The following SCARA5 variants were observed in gnomAD, a reference collection of about 807,000 sequenced individuals.
SCARA5 encodes scavenger receptor class A, member 5 (putative).
In SCARA5, 45 loss-of-function variants were observed where a neutral mutation model predicts 46.3. That is an observed-to-expected ratio of 0.97 (90% CI 0.76 to 1.24). The LOEUF is 1.24. Among genes scored for constraint, SCARA5 ranks in the 50% most tolerant of loss-of-function variants. SCARA5 has a pLI of 0.00. For synonymous variants in SCARA5, 333 were observed against 306.5 expected (o/e 1.09, Z -0.90); for missense variants, 680 against 689.0 (o/e 0.99, Z 0.15).
At position 27,905,523 on chromosome 8, in the gene SCARA5, T is replaced by TGGCG. The variant is rs751627046; in HGVS notation, c.1097-690_1097-689insCGCC. 3.7e-4 allele frequency among the ~76,000 whole-genome samples: 20 copies of TGGCG among 53,696 alleles called. 4 individuals are homozygous for TGGCG. Among genetic ancestry groups the TGGCG allele is most frequent in the Non-Finnish European group, 7.7e-4 (15 of 19,484 alleles). The allele number at this position is 53,696 out of a possible 152,430, so 35.2% of individuals were successfully genotyped here. A position where few individuals can be genotyped will look rare whatever the true frequency, so the allele number is the denominator to read the frequency against. ...AGAATGCCCAGGATGATCCAAGATTTGGGGGGGGGAAAAAAAAAAGGCAGC... is the reference window on the plus strand; with the variant it reads ...AGAATGCCCAGGATGATCCAAGATTTGGCGGGGGGGGGGAAAAAAAAAAGGCAGC... On this transcript the variant is annotated intron_variant, in intron 6 of 8. Transcript: ENST00000354914.
chr8:27,894,275 T>G (rs1807027829), intron 7 of SCARA5, among the ~76,000 whole-genome samples: 1 of 151,860 alleles, frequency 6.6e-6, no homozygotes, highest in East Asian at 1.9e-4. Context: ...CATGGAAGAG[T>G]CAGAGAGAAG....
chr8:27,874,683 T>C (rs1370793135), intron 8 of SCARA5, among the ~76,000 whole-genome samples: 2 of 152,232 alleles, frequency 1.3e-5, no homozygotes, highest in African/African-American at 2.4e-5. Context: ...AATCTTATCT[T>C]AGATAAAAGG....
chr8:27,987,766 C>CCTCT, intron 1 of SCARA5, 136 bp from the exon 2 acceptor site: 1 of 611,672 alleles, frequency 1.6e-6, no homozygotes, highest in Middle Eastern at 4.2e-4. Context: ...ACACCGGGAC[C>CCTCT]CTCTGCTCAT....
chr8:27,974,605 C>T (rs35944480), intron 2 of SCARA5, among the ~76,000 whole-genome samples: 3 of 151,958 alleles, frequency 2.0e-5, no homozygotes, highest in East Asian at 3.9e-4. Flanking sequence ...CAGAGCTCAG[C>T]TCATCCAAGG....
intron 2 of SCARA5, among the ~76,000 whole-genome samples, chr8:27,967,729 A>G (rs1808391226): frequency 6.6e-6 from 1 of 152,144 alleles, no homozygotes. Context: ...CCTGGCCAAT[A>G]TGGTGAAACC....
chr8:27,936,119 T>C (rs1422566210), intron 3 of SCARA5, among the ~76,000 whole-genome samples: 3 of 152,090 alleles, frequency 2.0e-5, no homozygotes, highest in African/African-American at 4.8e-5. Flanking sequence ...AGGAGACCCC[T>C]TTGAGAAAGA....
At chr8:27,874,428 C>T (rs953633409) in intron 8 of SCARA5, among the ~76,000 whole-genome samples, 7 of 152,234 alleles carry the variant, frequency 4.6e-5, no homozygotes, top group East Asian at 1.9e-4. Context: ...ATGTAACACT[C>T]AGCCAGAGGA....
chr8:27,974,888 G>A (rs1808499878), intron 2 of SCARA5, among the ~76,000 whole-genome samples: 1 of 149,082 alleles, frequency 6.7e-6, no homozygotes, highest in South Asian at 2.2e-4. Flanking sequence ...ATGTTGTGAA[G>A]TCTATATCAT....
chr8:27,976,002 T>C (rs1808517926), intron 2 of SCARA5, among the ~76,000 whole-genome samples: 1 of 152,210 alleles, frequency 6.6e-6, no homozygotes, highest in Non-Finnish European at 1.5e-5. Context: ...TGTGTTATTT[T>C]TCCTCCACCC....
chr8:27,937,950 CG>C (rs1807883750), intron 3 of SCARA5, among the ~76,000 whole-genome samples: 1 of 152,112 alleles, frequency 6.6e-6, no homozygotes, highest in African/African-American at 2.4e-5. Flanking sequence ...TGCTGAGGCA[CG>C]GGGTGGGGAT....
At chr8:27,920,361 C>T (rs551069543) in intron 4 of SCARA5, among the ~76,000 whole-genome samples, 98 of 152,110 alleles carry the variant, frequency 6.4e-4, no homozygotes, top group African/African-American at 2.2e-3. Context: ...GCCTGTAATC[C>T]CAGTACTTTG....
At chr8:27,947,708 TAAA>T (rs34760183) in intron 3 of SCARA5, among the ~76,000 whole-genome samples, 1 of 112,880 alleles carries the variant, frequency 8.9e-6, no homozygotes. Flanking sequence ...GTGTCTCTAC[TAAA>T]AAAAAAAAAA....
At chr8:27,942,108 T>G (rs527761527) in intron 3 of SCARA5, among the ~76,000 whole-genome samples, 10 of 152,008 alleles carry the variant, frequency 6.6e-5, no homozygotes, top group South Asian at 4.2e-4. Context: ...GGATTACAGG[T>G]GTGAGCCACT....
chr8:27,958,138 G>T (rs1223005675), intron 3 of SCARA5, among the ~76,000 whole-genome samples: 3 of 152,230 alleles, frequency 2.0e-5, no homozygotes, highest in Non-Finnish European at 2.9e-5. Context: ...TTTGGCTGAA[G>T]CTCTGGAGAA....
At chr8:27,959,512 C>T (rs995647642) in intron 3 of SCARA5, among the ~76,000 whole-genome samples, 4 of 152,072 alleles carry the variant, frequency 2.6e-5, no homozygotes, top group African/African-American at 7.2e-5. Flanking sequence ...AGAGCTCTCC[C>T]GGACTAGGAG....
chr8:27,902,963 T>G (rs80282533), intron 7 of SCARA5, among the ~76,000 whole-genome samples: 2,281 of 152,260 alleles, frequency 0.015, 56 homozygotes, highest in African/African-American at 0.052. Context: ...GGGCATTTCC[T>G]TGTTTTTCTA....
At chr8:27,902,351 C>T (rs1442958601) in intron 7 of SCARA5, among the ~76,000 whole-genome samples, 2 of 152,132 alleles carry the variant, frequency 1.3e-5, no homozygotes, top group Non-Finnish European at 2.9e-5. Context: ...GGGAGCCCCG[C>T]ACCCCTGTGG....
intron 3 of SCARA5, among the ~76,000 whole-genome samples, chr8:27,922,572 C>T (rs114925306): frequency 6.6e-6 from 1 of 152,306 alleles, no homozygotes; most frequent in African/African-American, 2.4e-5. Flanking sequence ...TTGTGAGCTG[C>T]TGTTCTAGTG....
chr8:27,991,297 G>T (rs1448687956), intron 1 of SCARA5, among the ~76,000 whole-genome samples: 1 of 152,312 alleles, frequency 6.6e-6, no homozygotes, highest in Non-Finnish European at 1.5e-5. Context: ...ACTCAGGGGA[G>T]CTGGTGGCAG....
Sources: allele counts gnomAD v4.1 joint callset (sites outside exome capture counted in the v4.1 genomes callset), GRCh38; gene constraint gnomAD v4.1.1; transcripts MANE v1.5; gene names NCBI Gene and HGNC (gene_info 2026-07-23, HGNC 2026-07-21).